Variants in CLVS1 observed in about 807,000 individuals in gnomAD.
CLVS1 encodes clavesin-1.
CLVS1 carries 10 observed loss-of-function variants against 33.1 expected under a neutral mutation model. The observed-to-expected ratio is 0.30, with a 90% CI of 0.19 to 0.51. The LOEUF (loss-of-function observed/expected upper bound fraction) is 0.51, where lower values mean the gene tolerates loss of function less well. CLVS1 is among the 20% of genes least tolerant of loss of function. The probability of loss-of-function intolerance (pLI) is 0.97; values close to 1 mark genes in which losing one functional copy is unlikely to be tolerated. For synonymous variants in CLVS1, 163 were observed against 166.1 expected, an observed-to-expected ratio of 0.98 and a Z score of 0.14; for missense variants, 343 against 433.4, an observed-to-expected ratio of 0.79 and a Z score of 1.85.
At chr8:61,478,554 C>T (rs1263069369) in intron 5 of CLVS1, among the ~76,000 whole-genome samples, 1 of 152,152 alleles carries the variant, frequency 6.6e-6, no homozygotes, top group Non-Finnish European at 1.5e-5. Flanking sequence ...TTGAATTGAT[C>T]CCTTTACCAT....
At chr8:61,009,288 C>A in the CLVS1 span, among the ~76,000 whole-genome samples, 6,082 of 152,094 alleles carry the variant, frequency 0.04, 371 homozygotes, top group African/African-American at 0.13. Context: ...GCTGGGACCA[C>A]AGGCACATGC....
At chr8:61,253,900 G>A (rs1809010603) in intron 2 of CLVS1, among the ~76,000 whole-genome samples, 1 of 152,132 alleles carries the variant, frequency 6.6e-6, no homozygotes, top group African/African-American at 2.4e-5. Flanking sequence ...TTGATTGTCT[G>A]AAGCCTTCTT....
the CLVS1 span, among the ~76,000 whole-genome samples, chr8:61,030,935 G>A: frequency 2.6e-5 from 4 of 152,276 alleles, no homozygotes; most frequent in East Asian, 1.9e-4. Context: ...TTAGGGCTTC[G>A]CTTTCCTCAT....
chr8:61,273,592 T>C (rs1009000462), intron 2 of CLVS1, among the ~76,000 whole-genome samples: 6 of 152,208 alleles, frequency 3.9e-5, no homozygotes, highest in African/African-American at 7.2e-5. Context: ...CCCCCAGCCT[T>C]GCTGCCACCT....
chr8:61,234,614 T>C (rs1808517036), intron 2 of CLVS1, among the ~76,000 whole-genome samples: 2 of 152,094 alleles, frequency 1.3e-5, no homozygotes, highest in Admixed American at 6.5e-5. Context: ...GGGAATTGGA[T>C]TATCCAATTT....
the CLVS1 span, among the ~76,000 whole-genome samples, chr8:61,035,689 T>TC: frequency 6.6e-6 from 1 of 152,164 alleles, no homozygotes; most frequent in Non-Finnish European, 1.5e-5. Flanking sequence ...ACAGGAAGTC[T>TC]TCTTCAGACT....
chr8:61,019,634 C>T, the CLVS1 span, among the ~76,000 whole-genome samples: 1 of 152,096 alleles, frequency 6.6e-6, no homozygotes, highest in Non-Finnish European at 1.5e-5. Flanking sequence ...ATGTCTTAAG[C>T]TCCCATATCC....
chr8:60,986,349 T>G, the CLVS1 span, among the ~76,000 whole-genome samples: 1 of 152,362 alleles, frequency 6.6e-6, no homozygotes, highest in African/African-American at 2.4e-5. Flanking sequence ...AACTTATTTT[T>G]GCTGATCGGA....
chr8:61,373,915 C>T (rs1813540208), intron 2 of CLVS1, among the ~76,000 whole-genome samples: 1 of 152,130 alleles, frequency 6.6e-6, no homozygotes, highest in African/African-American at 2.4e-5. Context: ...TGGGGAGTCA[C>T]TGGTCTGTGT....
intron 3 of CLVS1, among the ~76,000 whole-genome samples, chr8:61,443,066 A>G (rs772054367): frequency 1.3e-5 from 2 of 152,072 alleles, no homozygotes; most frequent in Non-Finnish European, 2.9e-5. Flanking sequence ...GTTTTTGCTC[A>G]TATTCTCATT....
At chr8:61,215,908 C>T (rs967436592) in intron 2 of CLVS1, among the ~76,000 whole-genome samples, 21 of 152,082 alleles carry the variant, frequency 1.4e-4, no homozygotes, top group Admixed American at 9.2e-4. Context: ...TCATTCCACC[C>T]CTTGTTCAAT....
intron 2 of CLVS1, among the ~76,000 whole-genome samples, chr8:61,269,095 G>A (rs1189072904): frequency 6.7e-6 from 1 of 148,886 alleles, no homozygotes; most frequent in African/African-American, 2.5e-5. Flanking sequence ...CCTTGCCCAT[G>A]CCTATGTCCT....
chr8:60,983,905 T>C, the CLVS1 span, among the ~76,000 whole-genome samples: 1 of 152,136 alleles, frequency 6.6e-6, no homozygotes, highest in Non-Finnish European at 1.5e-5. Context: ...AGAGCTACCC[T>C]CCCACAGCCC....
At chr8:60,990,204 T>C in the CLVS1 span, among the ~76,000 whole-genome samples, 14 of 146,390 alleles carry the variant, frequency 9.6e-5, no homozygotes, top group East Asian at 2.0e-3. Flanking sequence ...ATGAACACAA[T>C]GTTCAGGTAT....
rs112216442 is a variant in CLVS1 at position 61,382,715 on chromosome 8, T to C, written c.630+5936T>C. Among the ~76,000 whole-genome samples the C allele has an allele frequency of 5.1e-3, 771 of 152,256 alleles. 4 individuals are homozygous for C. The highest frequency in any genetic ancestry group is 0.017 in the African/African-American group (702 of 41,554). On this transcript the variant is annotated intron_variant, in intron 3 of 5. Transcript: ENST00000325897. ...CCCAGAGTTTCTGATTCCATAGATC[T>C]AGAGCAGAGCCCAAGAATTTACACT...
intron 3 of CLVS1, among the ~76,000 whole-genome samples, chr8:61,407,622 G>C (rs1331376520): frequency 6.6e-6 from 1 of 152,156 alleles, no homozygotes; most frequent in Non-Finnish European, 1.5e-5. Flanking sequence ...ATTCACTTTA[G>C]TACAAGTTCC....
chr8:61,188,921 G>A (rs1807401827), intron 2 of CLVS1, among the ~76,000 whole-genome samples: 1 of 152,066 alleles, frequency 6.6e-6, no homozygotes, highest in Non-Finnish European at 1.5e-5. Flanking sequence ...GCAGATGAAA[G>A]ATGATAAATT....
intron 1 of CLVS1, among the ~76,000 whole-genome samples, chr8:61,088,813 T>C (rs149406380): frequency 0.055 from 8,343 of 151,740 alleles, 811 homozygotes; most frequent in African/African-American, 0.19. Context: ...TTTTTCTTTT[T>C]TTTTTTGAGA....
intron 1 of CLVS1, among the ~76,000 whole-genome samples, chr8:61,095,016 A>T (rs1404343498): frequency 6.6e-6 from 1 of 152,234 alleles, no homozygotes; most frequent in Non-Finnish European, 1.5e-5. Context: ...AATACTTTGT[A>T]ATATTTAGCA....
Sources: gnomAD v4.1 joint callset for allele counts (sites outside exome capture counted in the v4.1 genomes callset) on GRCh38, gnomAD v4.1.1 for gene constraint, MANE v1.5 for transcripts, NCBI Gene and HGNC (gene_info 2026-07-23, HGNC 2026-07-21) for gene names.